ANK2: variants seen among roughly 807,000 people sequenced by gnomAD.
The protein encoded by ANK2 is ankyrin 2.
In ANK2, 83 loss-of-function variants were observed where a neutral mutation model predicts 360.5. That is an observed-to-expected ratio of 0.23 (90% CI 0.19 to 0.28). The LOEUF (loss-of-function observed/expected upper bound fraction) is 0.28. Ranked by LOEUF, ANK2 falls within the 10% of genes least tolerant of loss-of-function variation. The probability of loss-of-function intolerance (pLI) is 1.00; values close to 1 mark genes in which losing one functional copy is unlikely to be tolerated. For synonymous variants in ANK2, 1,740 were observed against 1,759.5 expected (o/e 0.99, Z 0.28); for missense variants, 4,201 against 4,795.7 (o/e 0.88, Z 3.66).
chr4:113,099,040 A>G (rs967953448), intron 1 of ANK2, among the ~76,000 whole-genome samples: 2 of 151,970 alleles, frequency 1.3e-5, no homozygotes, highest in African/African-American at 4.8e-5. Flanking sequence ...CAAAAGGCCT[A>G]TAGCAAATAT....
At chr4:112,905,172 A>G (rs1399258206) in intron 2 of ANK2, among the ~76,000 whole-genome samples, 1 of 152,212 alleles carries the variant, frequency 6.6e-6, no homozygotes, top group Non-Finnish European at 1.5e-5. Flanking sequence ...TCTAGAAGGA[A>G]TCTACGAAAT....
At chr4:112,869,028 A>G (rs1458135999) in intron 1 of ANK2, among the ~76,000 whole-genome samples, 1 of 149,688 alleles carries the variant, frequency 6.7e-6, no homozygotes, top group Non-Finnish European at 1.5e-5. Flanking sequence ...TGGCAAGATC[A>G]TAGCTCACTG....
intron 2 of ANK2, among the ~76,000 whole-genome samples, chr4:112,983,514 T>TA (rs920922722): frequency 1.4e-4 from 20 of 148,100 alleles, no homozygotes; most frequent in Admixed American, 3.4e-4. Context: ...CTGTCTCTAC[T>TA]AAAAAAAAAA....
intron 1 of ANK2, among the ~76,000 whole-genome samples, chr4:113,171,039 A>G (rs2097923256): frequency 6.6e-6 from 1 of 152,208 alleles, no homozygotes; most frequent in South Asian, 2.1e-4. Flanking sequence ...ACTTTCTTCC[A>G]AAGAAGTTGC....
intron 1 of ANK2, among the ~76,000 whole-genome samples, chr4:113,087,721 G>T (rs1166040862): frequency 1.3e-5 from 2 of 151,940 alleles, no homozygotes; most frequent in Non-Finnish European, 2.9e-5. Context: ...AAAAATGATA[G>T]GTTTCCTAGT....
intron 1 of ANK2, among the ~76,000 whole-genome samples, chr4:113,130,668 C>T (rs186939489): frequency 7.9e-5 from 12 of 152,268 alleles, no homozygotes; most frequent in African/African-American, 2.4e-4. Flanking sequence ...CGTAATGCCC[C>T]GATGTCATGG....
chr4:113,281,500 C>T (rs1178343158), intron 17 of ANK2, among the ~76,000 whole-genome samples: 2 of 152,098 alleles, frequency 1.3e-5, no homozygotes, highest in Admixed American at 6.5e-5. Context: ...GATGGCACCA[C>T]TGCGCTCCAG....
chr4:112,996,098 A>T lies in ANK2; in HGVS notation c.21+91584A>T, dbSNP rs144381248. On this transcript the variant is annotated intron_variant, in intron 2 of 30. Transcript: ENST00000503271. ...CAAATGTCTATCAACTGGTGAATAGATAAAAAAGATAAACTATTAATACAT... is the reference window on the plus strand; with the variant it reads ...CAAATGTCTATCAACTGGTGAATAGTTAAAAAAGATAAACTATTAATACAT... Among the ~76,000 whole-genome samples the T allele has an allele frequency of 2.6e-3, 399 of 152,366 alleles. 3 individuals are homozygous for T. The highest frequency in any genetic ancestry group is 5.0e-3 in the Admixed American group (76 of 15,300).
intron 4 of ANK2, among the ~76,000 whole-genome samples, chr4:113,219,778 T>G (rs1308924072): frequency 6.6e-6 from 1 of 152,204 alleles, no homozygotes; most frequent in Non-Finnish European, 1.5e-5. Context: ...GTGACGTGTT[T>G]TATGATACTC....
intron 2 of ANK2, among the ~76,000 whole-genome samples, chr4:112,968,734 ATTC>A (rs745998381): frequency 1.3e-5 from 2 of 152,184 alleles, no homozygotes; most frequent in Non-Finnish European, 2.9e-5. Context: ...TAGGGACACA[ATTC>A]TTCATTATTT....
At chr4:113,125,252 C>T (rs964123394) in intron 1 of ANK2, among the ~76,000 whole-genome samples, 1 of 152,034 alleles carries the variant, frequency 6.6e-6, no homozygotes, top group African/African-American at 2.4e-5. Context: ...AACTTAATCT[C>T]TATGTTATTT....
chr4:113,167,388 C>G (rs1420108250), intron 1 of ANK2, among the ~76,000 whole-genome samples: 1 of 151,626 alleles, frequency 6.6e-6, no homozygotes, highest in Non-Finnish European at 1.5e-5. Flanking sequence ...CAACCTCTGC[C>G]TCCCGGATCC....
rs2095185088 is a variant in ANK2, at chr4:113,119,496, A to C, written c.85-54920A>C. Among the ~76,000 whole-genome samples, 3 of 151,984 alleles carry C rather than the reference A, an allele frequency of 2.0e-5. No homozygotes were observed. The South Asian group carries it at 6.2e-4, about 32-fold the overall frequency. ...GTACATCATACCTTAAGGTGTACAT[A>C]CCTTCATGATAGTTCATGAAGAAAT... is the stretch of plus-strand genomic sequence containing the variant. On this transcript the variant is annotated intron_variant, in intron 1 of 45. Transcript: ENST00000357077.
chr4:112,867,628 A>C (rs1362007229), intron 1 of ANK2, among the ~76,000 whole-genome samples: 2 of 149,816 alleles, frequency 1.3e-5, no homozygotes, highest in African/African-American at 2.5e-5. Context: ...TATTCTGAGC[A>C]TTTTATAGAA....
intron 24 of ANK2, among the ~76,000 whole-genome samples, chr4:113,315,621 G>A (rs1430971023): frequency 2.0e-5 from 3 of 152,152 alleles, no homozygotes; most frequent in Admixed American, 1.3e-4. Context: ...GATCTAGCCC[G>A]GGCATAGTGG....
chr4:112,981,391 G>C (rs906778481), intron 2 of ANK2, among the ~76,000 whole-genome samples: 5 of 152,222 alleles, frequency 3.3e-5, no homozygotes, highest in Non-Finnish European at 2.9e-5. Context: ...AAGAGGAGGA[G>C]GAGAGAAGCG....
At chr4:112,910,511 A>G (rs2086764294) in intron 2 of ANK2, among the ~76,000 whole-genome samples, 1 of 152,236 alleles carries the variant, frequency 6.6e-6, no homozygotes, top group South Asian at 2.1e-4. Context: ...TTGCACATCT[A>G]AACCTAATAT....
intron 4 of ANK2, among the ~76,000 whole-genome samples, chr4:113,215,818 A>G (rs1210676288): frequency 5.3e-5 from 8 of 152,174 alleles, no homozygotes; most frequent in African/African-American, 1.9e-4. Context: ...AAAACAAAAA[A>G]ACCCACTTTT....
At chr4:112,737,395 A>C in the ANK2 span, among the ~76,000 whole-genome samples, 4 of 152,168 alleles carry the variant, frequency 2.6e-5, no homozygotes, top group South Asian at 8.3e-4. Flanking sequence ...TTTGTATTTT[A>C]TTTTTGTGAA....
Sources: allele counts gnomAD v4.1 joint callset (sites outside exome capture counted in the v4.1 genomes callset), GRCh38; gene constraint gnomAD v4.1.1; transcripts MANE v1.5; gene names NCBI Gene and HGNC (gene_info 2026-07-23, HGNC 2026-07-21).